The following JARID2 variants were observed in gnomAD, a reference collection of about 807,000 sequenced individuals.
JARID2 encodes protein Jumonji.
Under a neutral mutation model 125.6 loss-of-function variants are expected in JARID2, and 21 were observed. That is an observed-to-expected ratio of 0.17 (90% CI 0.12 to 0.24). JARID2 has a LOEUF of 0.24. JARID2 is among the 10% of genes least tolerant of loss of function. The pLI, the probability that JARID2 is intolerant of heterozygous loss-of-function variation, is 1.00. For missense variants in JARID2, 1,303 were observed against 1,639.6 expected, an observed-to-expected ratio of 0.79 and a Z score of 3.55; for synonymous variants, 736 against 661.6, an observed-to-expected ratio of 1.11 and a Z score of -1.73.
intron 3 of JARID2, among the ~76,000 whole-genome samples, chr6:15,414,788 A>G (rs948472399): frequency 2.0e-5 from 3 of 152,164 alleles, no homozygotes; most frequent in African/African-American, 7.2e-5. Context: ...TGATATATTT[A>G]CATAGTTTAT....
intron 12 of JARID2, among the ~76,000 whole-genome samples, chr6:15,510,990 GAACATCT>G (rs1561916443): frequency 6.6e-6 from 1 of 152,224 alleles, no homozygotes; most frequent in Non-Finnish European, 1.5e-5. Flanking sequence ...AGGGGTTTGT[GAACATCT>G]GTTTGTGGTT....
rs563434190 is a variant in JARID2 at position 15,374,097 on chromosome 6, C to G, written c.46-20C>G. 5.3e-5 allele frequency: 86 copies of G among 1,610,548 alleles called. No homozygotes were observed. Among genetic ancestry groups the G allele is most frequent in the Non-Finnish European group, 7.0e-5 (82 of 1,178,580 alleles). ...TTGCTTTCTATTCAGTAACTCCTCTCTTTTCTTATGTTTCTTCAGGATGAC... is the reference window on the plus strand; with the variant it reads ...TTGCTTTCTATTCAGTAACTCCTCTGTTTTCTTATGTTTCTTCAGGATGAC... On this transcript the variant is annotated intron_variant, in intron 1 of 17. Coordinates refer to ENST00000341776, the MANE Select transcript of JARID2 (RefSeq NM_004973.4).
chr6:15,280,610 G>A (rs1198303674), intron 1 of JARID2, among the ~76,000 whole-genome samples: 1 of 149,886 alleles, frequency 6.7e-6, no homozygotes, highest in Non-Finnish European at 1.5e-5. Context: ...TAAAGGTAAA[G>A]CCTTATCCCC....
intron 3 of JARID2, among the ~76,000 whole-genome samples, chr6:15,437,364 T>A (rs928942888): frequency 6.6e-6 from 1 of 152,214 alleles, no homozygotes; most frequent in Non-Finnish European, 1.5e-5. Flanking sequence ...GTCTGTCCCC[T>A]TTTATGTCCA....
intron 2 of JARID2, among the ~76,000 whole-genome samples, chr6:15,391,068 G>C (rs539282398): frequency 1.3e-5 from 2 of 152,332 alleles, no homozygotes; most frequent in South Asian, 2.1e-4. Flanking sequence ...TAGATATACA[G>C]TACCCCGTGA....
At chr6:15,459,693 T>C (rs1768354973) in intron 4 of JARID2, among the ~76,000 whole-genome samples, 1 of 152,224 alleles carries the variant, frequency 6.6e-6, no homozygotes, top group South Asian at 2.1e-4. Flanking sequence ...GTGGTGTTTT[T>C]TCTAAAGAGC....
chr6:15,511,429 CAGGA>C, intron 13 of JARID2, 28 bp downstream of exon 13: 1 of 1,509,662 alleles, frequency 6.6e-7, no homozygotes, highest in Non-Finnish European at 9.2e-7. Context: ...CCGCCTCCAG[CAGGA>C]GCTGTAGGAC....
chr6:15,382,512 G>C (rs1764629966), intron 2 of JARID2, among the ~76,000 whole-genome samples: 1 of 152,152 alleles, frequency 6.6e-6, no homozygotes, highest in African/African-American at 2.4e-5. Flanking sequence ...CGGTTTCCGT[G>C]GCCAAGTCAC....
At chr6:15,398,014 A>C (rs901800011) in intron 2 of JARID2, among the ~76,000 whole-genome samples, 4 of 152,232 alleles carry the variant, frequency 2.6e-5, no homozygotes, top group African/African-American at 9.6e-5. Flanking sequence ...AAGCAAGGCC[A>C]CGGATGGATC....
intron 2 of JARID2, among the ~76,000 whole-genome samples, chr6:15,403,883 T>C (rs1486667967): frequency 6.6e-6 from 1 of 152,128 alleles, no homozygotes; most frequent in Non-Finnish European, 1.5e-5. Context: ...TGCCTCCAAA[T>C]CTTGGGACTG....
chr6:15,509,187 T>C (rs1771155939), intron 12 of JARID2: 1 of 1,270,122 alleles, frequency 7.9e-7, no homozygotes, highest in Admixed American at 2.4e-5. Flanking sequence ...ACTGCACCCA[T>C]CCCTGATCGA....
chr6:15,520,869 G>A lies in JARID2; in HGVS notation c.*618G>A, dbSNP rs575394250. On this transcript the variant is annotated 3_prime_UTR_variant, in exon 18 of 18. Transcript: ENST00000341776. ...ATAGGTGGAACGAGGAGACGGGAGC[G>A]AGTGGGCTCTCCACCAGCACATCAC... is the stretch of plus-strand genomic sequence containing the variant. 8 of 455,620 alleles carry A rather than the reference G, an allele frequency of 1.8e-5. No individual in the cohort carries two copies. The highest frequency in any genetic ancestry group is 4.0e-5 in the African/African-American group (2 of 50,100). 28.2% of individuals were successfully genotyped at this position (455,620 alleles called of 1,614,324 possible).
In JARID2 at chr6:15,504,720, G is replaced by A. The variant is rs759867291; in HGVS notation, c.2541+128G>A. On this transcript the variant is annotated intron_variant, in intron 9 of 17. Coordinates refer to ENST00000341776, the MANE Select transcript of JARID2 (RefSeq NM_004973.4). Reference sequence around the variant, plus strand: ...AAAGGACTCAGATGGGGCTGAGTTCGTCCTCTGTGTTGAGCGTGCACCAGG... The same window carrying A: ...AAAGGACTCAGATGGGGCTGAGTTCATCCTCTGTGTTGAGCGTGCACCAGG... The A allele has an allele frequency of 2.1e-4, 135 of 651,628 alleles. 1 individual carries two copies. Among genetic ancestry groups the A allele is most frequent in the Middle Eastern group, 3.1e-4 (1 of 3,220 alleles). The allele number at this position is 651,628 out of a possible 1,614,324, so 40.4% of individuals were successfully genotyped here.
chr6:15,501,740 A>T (rs1464969153), intron 8 of JARID2, among the ~76,000 whole-genome samples: 1 of 152,180 alleles, frequency 6.6e-6, no homozygotes, highest in South Asian at 2.1e-4. Context: ...CTCCACGAAG[A>T]TACCACGAGT....
intron 1 of JARID2, among the ~76,000 whole-genome samples, chr6:15,363,950 T>G (rs192111173): frequency 6.6e-6 from 1 of 152,310 alleles, no homozygotes; most frequent in Admixed American, 6.5e-5. Flanking sequence ...TATGTCAGTT[T>G]ATGTTAAGTC....
At chr6:15,289,441 C>T (rs115898872) in intron 1 of JARID2, among the ~76,000 whole-genome samples, 9,816 of 152,112 alleles carry the variant, frequency 0.065, 366 homozygotes, top group East Asian at 0.1. Flanking sequence ...CTGTGTTGCC[C>T]AGGCTGGTCT....
intron 4 of JARID2, among the ~76,000 whole-genome samples, chr6:15,457,690 C>T (rs190525142): frequency 2.7e-5 from 4 of 147,488 alleles, no homozygotes; most frequent in South Asian, 4.4e-4. Context: ...GAGAATAAAT[C>T]GTGAGGCCAA....
chr6:15,268,945 A>C (rs1760193059), intron 1 of JARID2, among the ~76,000 whole-genome samples: 1 of 152,196 alleles, frequency 6.6e-6, no homozygotes, highest in African/African-American at 2.4e-5. Context: ...AACCTCTTAA[A>C]GTCAGGCGTG....
intron 1 of JARID2, among the ~76,000 whole-genome samples, chr6:15,261,332 T>TTTTA (rs1196249707): frequency 7.5e-6 from 1 of 133,266 alleles, no homozygotes. Context: ...TTTTTTTTTT[T>TTTTA]GAGACGGAGT....
Sources: gnomAD v4.1 joint callset for allele counts (sites outside exome capture counted in the v4.1 genomes callset) on GRCh38, gnomAD v4.1.1 for gene constraint, MANE v1.5 for transcripts, NCBI Gene and HGNC (gene_info 2026-07-23, HGNC 2026-07-21) for gene names.